The following ABCA4 variants were observed in gnomAD, a reference collection of about 807,000 sequenced individuals.
ABCA4 encodes ATP binding cassette subfamily A member 4, also known as retinal-specific phospholipid-transporting ATPase ABCA4.
A neutral mutation model predicts 263.7 loss-of-function variants in ABCA4; 196 were observed. That is an observed-to-expected ratio of 0.74 (90% CI 0.66 to 0.84). The LOEUF (loss-of-function observed/expected upper bound fraction) is 0.84, where lower values mean the gene tolerates loss of function less well. Among genes scored for constraint, ABCA4 ranks in the 40% least tolerant of loss-of-function variants. ABCA4 has a pLI of 0.00. For missense variants in ABCA4, 2,792 were observed against 2,855.1 expected, an observed-to-expected ratio of 0.98 and a Z score of 0.50; for synonymous variants, 1,133 against 1,094.2, an observed-to-expected ratio of 1.04 and a Z score of -0.70.
At chr1:94,040,522 C>A (rs544383163) in intron 23 of ABCA4, among the ~76,000 whole-genome samples, 6 of 152,258 alleles carry the variant, frequency 3.9e-5, no homozygotes, top group African/African-American at 1.4e-4. Flanking sequence ...ATAATCATGA[C>A]CATTTGAATG....
chr1:94,050,526 T>C (rs916199512), intron 17 of ABCA4, among the ~76,000 whole-genome samples: 1 of 152,232 alleles, frequency 6.6e-6, no homozygotes, highest in Admixed American at 6.5e-5. Flanking sequence ...GCAAACATAT[T>C]TGTGATTCAC....
rs1045964945 is a variant in ABCA4 at position 94,115,504 on chromosome 1, C to T, written c.67-2438G>A. Among the ~76,000 whole-genome samples, 3 of 152,246 alleles carry T rather than the reference C, an allele frequency of 2.0e-5. No individual in the cohort carries two copies. The East Asian group carries it at 5.8e-4, about 29-fold the overall frequency. On this transcript the variant is annotated intron_variant, in intron 1 of 49. Transcript: ENST00000370225. ...TACACTCAGGGTTAAGAGAAGGTTA[C>T]TCTGAGGTCAAGTTACTGGGGTTCC...
At chr1:93,993,269 C>T (rs375731558) in intron 49 of ABCA4, 27 bp from the exon 50 acceptor site, 34 of 1,613,624 alleles carry the variant, frequency 2.1e-5, no homozygotes, top group African/African-American at 1.2e-4. Flanking sequence ...CATGGACTCG[C>T]GTCATCTTGG....
chr1:94,120,886 T>TCCCCCCCCC, intron 1 of ABCA4, 94 bp downstream of exon 1: 1 of 155,290 alleles, frequency 6.4e-6, no homozygotes, highest in Non-Finnish European at 1.3e-5. Flanking sequence ...CCCCCCACCC[T>TCCCCCCCCC]GCCCCACCAC....
chr1:94,092,478 G>C (rs966994112), intron 6 of ABCA4, among the ~76,000 whole-genome samples: 2 of 152,204 alleles, frequency 1.3e-5, no homozygotes, highest in Admixed American at 6.5e-5. Flanking sequence ...TGGTGAGGGG[G>C]CAACCAGGAG....
chr1:94,121,093 G>A lies in ABCA4; in HGVS notation c.-48C>T. 6.4e-7 allele frequency: 1 copy of A among 1,570,484 alleles called. No homozygotes were observed. The highest frequency in any genetic ancestry group is 1.1e-5 in the South Asian group (1 of 90,236). Reference sequence around the variant, plus strand: ...GATTGGTCAGAGCTGAGGCCCCTCAGACAGCAAAGGACATAAACGCCGTTA... The same window carrying A: ...GATTGGTCAGAGCTGAGGCCCCTCAAACAGCAAAGGACATAAACGCCGTTA... On this transcript the variant is annotated 5_prime_UTR_variant, in exon 1 of 50. Transcript: ENST00000370225.
intron 1 of ABCA4, 50 bp downstream of exon 1, chr1:94,120,930 T>A: frequency 3.4e-4 from 200 of 592,186 alleles, no homozygotes; most frequent in Non-Finnish European, 4.9e-4. Context: ...ACTTCCAACC[T>A]GTTTATTTGC....
intron 23 of ABCA4, among the ~76,000 whole-genome samples, chr1:94,040,947 A>T (rs1328281195): frequency 6.6e-6 from 1 of 152,240 alleles, no homozygotes; most frequent in African/African-American, 2.4e-5. Flanking sequence ...TCTATGTTGC[A>T]CCAAACCGCA....
chr1:94,013,411 G>A (rs1319133304), intron 38 of ABCA4, among the ~76,000 whole-genome samples: 3 of 152,230 alleles, frequency 2.0e-5, no homozygotes, highest in Non-Finnish European at 4.4e-5. Context: ...GTTCCCCAGT[G>A]GGGCCCAGAG....
intron 17 of ABCA4, 108 bp downstream of exon 17, chr1:94,051,525 G>C: frequency 9.9e-7 from 1 of 1,015,048 alleles, no homozygotes; most frequent in Non-Finnish European, 1.5e-6. Context: ...TGACTCATCA[G>C]GAATCACACC....
intron 28 of ABCA4, 103 bp from the exon 29 acceptor site, chr1:94,030,629 G>A: frequency 8.6e-7 from 1 of 1,163,296 alleles, no homozygotes; most frequent in Non-Finnish European, 1.3e-6. Flanking sequence ...GTATGTATTG[G>A]AGGCACCGAA....
intron 11 of ABCA4, among the ~76,000 whole-genome samples, chr1:94,064,665 A>C (rs1434888226): frequency 6.6e-6 from 1 of 152,108 alleles, no homozygotes; most frequent in Non-Finnish European, 1.5e-5. Flanking sequence ...CTTGTAAAAA[A>C]CTCCCTAGGT....
intron 10 of ABCA4, 29 bp downstream of exon 10, chr1:94,078,561 T>A (rs767700269): frequency 4.9e-4 from 213 of 431,092 alleles, no homozygotes; most frequent in Non-Finnish European, 7.2e-4. Flanking sequence ...CCTCCTCCCC[T>A]CCCCTCCCCA....
intron 19 of ABCA4, chr1:94,045,976 C>G (rs1346610598): frequency 2.2e-6 from 1 of 455,912 alleles, no homozygotes; most frequent in African/African-American, 2.0e-5. Flanking sequence ...CTGAGAGATC[C>G]GCGCAGAGCC....
rs1662222654 is a variant in ABCA4 at position 94,099,107 on chromosome 1, A to C, written c.571-116T>G. 5.9e-6 allele frequency: 7 copies of C among 1,190,980 alleles called. No homozygotes were observed. The South Asian group carries it at 9.1e-5, about 16-fold the overall frequency. 73.8% of individuals were successfully genotyped at this position (1,190,980 alleles called of 1,614,324 possible). A position where few individuals can be genotyped will look rare whatever the true frequency, so the allele number is the denominator to read the frequency against. ...ACATGGCGACAGGAATTAAGATCGC[A>C]GATGGGATTAAAGCCACTGATTAGC... On this transcript the variant is annotated intron_variant, in intron 5 of 49. Transcript: ENST00000370225.
chr1:94,031,730 T>C (rs1425715162), intron 27 of ABCA4, 48 bp downstream of exon 27: 20 of 1,610,988 alleles, frequency 1.2e-5, no homozygotes, highest in Non-Finnish European at 1.6e-5. Context: ...AGGGGAAGGC[T>C]GGGAGAGGAG....
At chr1:94,078,734 GAC>G in intron 9 of ABCA4, 28 bp from the exon 10 acceptor site, 2 of 1,491,368 alleles carry the variant, frequency 1.3e-6, no homozygotes, top group Non-Finnish European at 1.9e-6. Flanking sequence ...TCAAGACAGA[GAC>G]ACGAACAGAG....
intron 19 of ABCA4, chr1:94,045,719 C>A (rs1242101498): frequency 2.4e-5 from 11 of 455,906 alleles, no homozygotes; most frequent in South Asian, 1.7e-4. Flanking sequence ...GAAACAGAAC[C>A]AATTAGAATG....
intron 24 of ABCA4, among the ~76,000 whole-genome samples, chr1:94,038,076 C>G (rs1183157447): frequency 6.6e-6 from 1 of 151,782 alleles, no homozygotes; most frequent in Non-Finnish European, 1.5e-5. Context: ...CACAGTTTCT[C>G]TTGGGATTGC....
Sources: allele counts gnomAD v4.1 joint callset (sites outside exome capture counted in the v4.1 genomes callset), GRCh38; gene constraint gnomAD v4.1.1; transcripts MANE v1.5; gene names NCBI Gene and HGNC (gene_info 2026-07-23, HGNC 2026-07-21).